PDE4D: variants seen among roughly 807,000 people sequenced by gnomAD.
The protein encoded by PDE4D is 3',5'-cyclic-AMP phosphodiesterase 4D.
PDE4D carries 24 observed loss-of-function variants against 87.4 expected under a neutral mutation model. The observed-to-expected ratio is 0.27, with a 90% confidence interval of 0.20 to 0.39. PDE4D has a LOEUF of 0.39. Among genes scored for constraint, PDE4D ranks in the 10% least tolerant of loss-of-function variants. The pLI is 1.00. For missense variants in PDE4D, 714 were observed against 1,041.0 expected, an observed-to-expected ratio of 0.69 and a Z score of 4.32; for synonymous variants, 384 against 383.2, an observed-to-expected ratio of 1.00 and a Z score of -0.02.
intron 1 of PDE4D, among the ~76,000 whole-genome samples, chr5:59,293,573 G>A (rs1025889444): frequency 1.3e-5 from 2 of 152,082 alleles, no homozygotes; most frequent in Non-Finnish European, 2.9e-5. Context: ...TCTTTGAAAT[G>A]GACTTTGTTT....
chr5:60,301,717 C>G (rs1201297567), intron 1 of PDE4D, among the ~76,000 whole-genome samples: 1 of 152,078 alleles, frequency 6.6e-6, no homozygotes, highest in Non-Finnish European at 1.5e-5. Flanking sequence ...ACCTGATTGC[C>G]CTGGCCAGAA....
At chr5:59,189,154 G>T (rs1743618886) in intron 3 of PDE4D, among the ~76,000 whole-genome samples, 2 of 150,884 alleles carry the variant, frequency 1.3e-5, no homozygotes, top group South Asian at 4.2e-4. Context: ...AATAACTACT[G>T]CATTTTTATC....
chr5:59,719,348 T>G (rs1755499823), intron 1 of PDE4D, among the ~76,000 whole-genome samples: 1 of 152,180 alleles, frequency 6.6e-6, no homozygotes, highest in African/African-American at 2.4e-5. Context: ...CATTATATAG[T>G]ATTTCCACGA....
intron 3 of PDE4D, among the ~76,000 whole-genome samples, chr5:59,923,224 C>T (rs1754867500): frequency 6.6e-6 from 1 of 152,224 alleles, no homozygotes; most frequent in African/African-American, 2.4e-5. Flanking sequence ...TAAGATTTCT[C>T]ACTTCAGGTC....
intron 1 of PDE4D, among the ~76,000 whole-genome samples, chr5:60,319,105 A>C (rs975541899): frequency 6.6e-6 from 1 of 152,186 alleles, no homozygotes; most frequent in Non-Finnish European, 1.5e-5. Context: ...CATTCTCCCC[A>C]TCACTTTCAG....
chr5:60,165,391 T>C (rs1470089460), intron 2 of PDE4D, among the ~76,000 whole-genome samples: 1 of 152,234 alleles, frequency 6.6e-6, no homozygotes, highest in Admixed American at 6.5e-5. Context: ...TATGCTGATA[T>C]CACGCTGCTT....
intron 1 of PDE4D, among the ~76,000 whole-genome samples, chr5:60,195,536 C>T (rs1378936935): frequency 6.6e-6 from 1 of 151,692 alleles, no homozygotes; most frequent in East Asian, 1.9e-4. Context: ...ATTCCCTTCT[C>T]TTCCTCCAAA....
intron 1 of PDE4D, among the ~76,000 whole-genome samples, chr5:59,304,329 T>C (rs190049039): frequency 8.6e-4 from 131 of 152,220 alleles, no homozygotes; most frequent in Non-Finnish European, 1.6e-3. Flanking sequence ...TAAATAATCA[T>C]ATCATCAGCA....
At chr5:60,370,372 AC>A (rs1403286667) in intron 1 of PDE4D, among the ~76,000 whole-genome samples, 1 of 152,234 alleles carries the variant, frequency 6.6e-6, no homozygotes, top group Non-Finnish European at 1.5e-5. Flanking sequence ...AGGTGTTGTA[AC>A]AACATATCAT....
chr5:59,860,463 G>A (rs1385937216), intron 1 of PDE4D, among the ~76,000 whole-genome samples: 3 of 152,100 alleles, frequency 2.0e-5, no homozygotes, highest in African/African-American at 7.2e-5. Flanking sequence ...ATAGGGAACT[G>A]TTATTTTACT....
intron 2 of PDE4D, among the ~76,000 whole-genome samples, chr5:59,212,462 G>C (rs932152065): frequency 2.0e-5 from 3 of 151,894 alleles, no homozygotes; most frequent in Non-Finnish European, 4.4e-5. Context: ...GTTGACTCAT[G>C]GTCTGATTAA....
chr5:59,289,742 C>T (rs1767658759), intron 1 of PDE4D, among the ~76,000 whole-genome samples: 1 of 151,794 alleles, frequency 6.6e-6, no homozygotes, highest in Non-Finnish European at 1.5e-5. Context: ...GCAAATTATC[C>T]CATTTGCAGA....
chr5:59,039,421 G>A, intron 5 of PDE4D: 2 of 995,402 alleles, frequency 2.0e-6, no homozygotes, highest in Non-Finnish European at 2.4e-6. Context: ...CCCCAACCCG[G>A]AGCCGCGGCC....
intron 1 of PDE4D, among the ~76,000 whole-genome samples, chr5:59,537,692 G>A (rs565661682): frequency 6.6e-6 from 1 of 152,240 alleles, no homozygotes; most frequent in South Asian, 2.1e-4. Context: ...ACTTGAATAT[G>A]TAATCATCAA....
At chr5:59,289,056 CTG>C (rs1324629593) in intron 1 of PDE4D, among the ~76,000 whole-genome samples, 1 of 152,026 alleles carries the variant, frequency 6.6e-6, no homozygotes. Flanking sequence ...TATTATAACA[CTG>C]TTATTATAGT....
At chr5:60,106,827 C>G (rs1449623616) in intron 2 of PDE4D, among the ~76,000 whole-genome samples, 2 of 151,674 alleles carry the variant, frequency 1.3e-5, no homozygotes, top group African/African-American at 4.8e-5. Context: ...AAAGACACAA[C>G]ATACCAGAAT....
At chr5:59,492,767 T>C (rs1806450313) in intron 1 of PDE4D, among the ~76,000 whole-genome samples, 1 of 152,184 alleles carries the variant, frequency 6.6e-6, no homozygotes, top group Non-Finnish European at 1.5e-5. Context: ...TTCCCATGTG[T>C]CCTGGGAGGC....
upstream of PDE4D, among the ~76,000 whole-genome samples, chr5:59,895,181 A>G (rs1362637937): frequency 6.6e-6 from 1 of 152,174 alleles, no homozygotes; most frequent in African/African-American, 2.4e-5. Context: ...GACTGCTGAA[A>G]ATTCAACACT....
At chr5:60,104,128 A>G (rs569223440) in intron 2 of PDE4D, among the ~76,000 whole-genome samples, 51 of 152,314 alleles carry the variant, frequency 3.3e-4, no homozygotes, top group Non-Finnish European at 7.1e-4. Context: ...GTGACAGACA[A>G]TACCTGGAAA....
Sources: gnomAD v4.1 joint callset for allele counts (sites outside exome capture counted in the v4.1 genomes callset) on GRCh38, gnomAD v4.1.1 for gene constraint, MANE v1.5 for transcripts, NCBI Gene and HGNC (gene_info 2026-07-23, HGNC 2026-07-21) for gene names.